The following CTNNA3 variants were observed in gnomAD, a reference collection of about 807,000 sequenced individuals.
The protein encoded by CTNNA3 is catenin alpha 3, also known as catenin alpha-3.
A neutral mutation model predicts 95.7 loss-of-function variants in CTNNA3; 76 were observed. The observed-to-expected ratio is 0.79, with a 90% CI of 0.66 to 0.96. The LOEUF (loss-of-function observed/expected upper bound fraction) is 0.96, where lower values mean the gene tolerates loss of function less well. Among genes scored for constraint, CTNNA3 ranks in the 40% least tolerant of loss-of-function variants. The probability of loss-of-function intolerance (pLI) is 0.00; values close to 1 mark genes in which losing one functional copy is unlikely to be tolerated. For synonymous variants in CTNNA3, 431 were observed against 374.4 expected (o/e 1.15, Z -1.74); for missense variants, 1,191 against 1,089.8 (o/e 1.09, Z -1.31).
chr10:67,429,092 C>A (rs904957877), intron 5 of CTNNA3, among the ~76,000 whole-genome samples: 1 of 151,908 alleles, frequency 6.6e-6, no homozygotes, highest in African/African-American at 2.4e-5. Context: ...TTGTTTTTAT[C>A]CTTACTTGGA....
At chr10:66,243,658 A>G (rs970066919) in intron 13 of CTNNA3, among the ~76,000 whole-genome samples, 1 of 152,210 alleles carries the variant, frequency 6.6e-6, no homozygotes, top group Non-Finnish European at 1.5e-5. Flanking sequence ...CCTAAAATGT[A>G]TAAAACCAAG....
At chr10:67,670,660 G>A (rs1033891169) in intron 1 of CTNNA3, among the ~76,000 whole-genome samples, 2 of 152,142 alleles carry the variant, frequency 1.3e-5, no homozygotes, top group African/African-American at 4.8e-5. Context: ...CCTGGGTCTT[G>A]GGTGCACAGA....
chr10:67,375,021 C>T (rs751686936), intron 5 of CTNNA3, among the ~76,000 whole-genome samples: 1 of 152,146 alleles, frequency 6.6e-6, no homozygotes, highest in Non-Finnish European at 1.5e-5. Flanking sequence ...AGCCCTAAGA[C>T]ATGTTTGACA....
chr10:67,650,787 C>T (rs944009894), intron 1 of CTNNA3, among the ~76,000 whole-genome samples: 1 of 152,114 alleles, frequency 6.6e-6, no homozygotes, highest in Non-Finnish European at 1.5e-5. Flanking sequence ...TTTCATCGTG[C>T]CCTGGCAGCA....
At chr10:67,604,581 C>G (rs1259038438) in intron 3 of CTNNA3, among the ~76,000 whole-genome samples, 1 of 152,138 alleles carries the variant, frequency 6.6e-6, no homozygotes, top group African/African-American at 2.4e-5. Context: ...AGGAACAGAT[C>G]TGAGAGACAA....
chr10:66,899,361 T>C (rs1403053309), intron 7 of CTNNA3, among the ~76,000 whole-genome samples: 1 of 152,154 alleles, frequency 6.6e-6, no homozygotes, highest in Non-Finnish European at 1.5e-5. Context: ...CTTCTGGGAA[T>C]ATATTCAAAA....
At chr10:67,414,654 C>G (rs1036980162) in intron 5 of CTNNA3, among the ~76,000 whole-genome samples, 4 of 152,138 alleles carry the variant, frequency 2.6e-5, no homozygotes, top group Non-Finnish European at 5.9e-5. Flanking sequence ...AGACTAATAT[C>G]CCTCATAAAC....
chr10:66,119,214 C>G (rs910934737), intron 13 of CTNNA3, among the ~76,000 whole-genome samples: 1 of 152,094 alleles, frequency 6.6e-6, no homozygotes, highest in Admixed American at 6.6e-5. Context: ...GATGAGGATA[C>G]CACCATTATG....
chr10:67,209,953 A>G (rs1346516439), intron 6 of CTNNA3, among the ~76,000 whole-genome samples: 1 of 152,144 alleles, frequency 6.6e-6, no homozygotes, highest in Non-Finnish European at 1.5e-5. Context: ...CAATAAATAT[A>G]TTCAAGATAT....
chr10:67,279,046 T>C (rs779752031), intron 5 of CTNNA3, among the ~76,000 whole-genome samples: 2 of 152,080 alleles, frequency 1.3e-5, no homozygotes, highest in Non-Finnish European at 2.9e-5. Flanking sequence ...TTCTGGAGAA[T>C]GCAAAGGTGG....
chr10:67,553,308 C>T (rs1320120208), intron 3 of CTNNA3, among the ~76,000 whole-genome samples: 2 of 150,502 alleles, frequency 1.3e-5, no homozygotes, highest in Admixed American at 6.7e-5. Flanking sequence ...AAATTTAATT[C>T]ATTTTACCTA....
intron 7 of CTNNA3, among the ~76,000 whole-genome samples, chr10:66,906,705 C>T (rs574677644): frequency 1.3e-5 from 2 of 151,978 alleles, no homozygotes; most frequent in South Asian, 2.1e-4. Flanking sequence ...GTATTTGATT[C>T]GAAGTCATCA....
chr10:67,179,835 AAAC>A (rs921016122), intron 7 of CTNNA3, among the ~76,000 whole-genome samples: 7 of 152,086 alleles, frequency 4.6e-5, no homozygotes, highest in Admixed American at 3.9e-4. Context: ...TATCTCCATA[AAAC>A]AACAACAACA....
rs113931129 is a variant in CTNNA3, at chr10:67,184,059, G to A, written c.844-3539C>T. Among the ~76,000 whole-genome samples the A allele has an allele frequency of 4.6e-3, 705 of 152,246 alleles. 2 individuals are homozygous for A. The highest frequency in any genetic ancestry group is 0.016 in the African/African-American group (677 of 41,552). On this transcript the variant is annotated intron_variant, in intron 6 of 17. Transcript: ENST00000433211. ...GCAAAATTGCCCTTGTTTAATAAGA[G>A]GAATGAGCACAAGTATTATTGTGAT...
intron 3 of CTNNA3, among the ~76,000 whole-genome samples, chr10:67,553,307 T>G (rs1008932861): frequency 6.6e-6 from 1 of 150,598 alleles, no homozygotes; most frequent in Admixed American, 6.7e-5. Context: ...AAAATTTAAT[T>G]CATTTTACCT....
chr10:66,978,570 T>TAC (rs1850220334), intron 7 of CTNNA3, among the ~76,000 whole-genome samples: 1 of 101,814 alleles, frequency 9.8e-6, no homozygotes, highest in Non-Finnish European at 2.2e-5. Context: ...TATATATATA[T>TAC]AGTATGGTGT....
intron 11 of CTNNA3, among the ~76,000 whole-genome samples, chr10:66,486,521 T>C (rs1173351544): frequency 6.6e-6 from 1 of 152,074 alleles, no homozygotes; most frequent in Non-Finnish European, 1.5e-5. Flanking sequence ...AGGATGGCTG[T>C]TACCAAAAAG....
intron 3 of CTNNA3, among the ~76,000 whole-genome samples, chr10:67,587,193 T>TTGTG (rs57140243): frequency 0.15 from 19,932 of 129,810 alleles, 1,591 homozygotes; most frequent in Middle Eastern, 0.21. Context: ...CCCAGCTAAC[T>TTGTG]TGTGTGTGTG....
At chr10:66,066,996 G>GA (rs35520381) in intron 15 of CTNNA3, among the ~76,000 whole-genome samples, 16,297 of 149,136 alleles carry the variant, frequency 0.11, 1,034 homozygotes, top group Non-Finnish European at 0.15. Flanking sequence ...TTGGGGCTCA[G>GA]AAAAAAAAAA....
Sources: allele counts gnomAD v4.1 joint callset (sites outside exome capture counted in the v4.1 genomes callset), GRCh38; gene constraint gnomAD v4.1.1; transcripts MANE v1.5; gene names NCBI Gene and HGNC (gene_info 2026-07-23, HGNC 2026-07-21).